The following ZNF467 variants were observed in gnomAD, a reference collection of about 807,000 sequenced individuals.
ZNF467 encodes the protein zinc finger protein EZI.
Under a neutral mutation model 47.8 loss-of-function variants are expected in ZNF467, and 51 were observed. The observed-to-expected ratio is 1.07, with a 90% CI of 0.85 to 1.35. ZNF467 has a LOEUF of 1.35. Among genes scored for constraint, ZNF467 ranks in the 40% most tolerant of loss-of-function variants. The pLI is 0.00. For missense variants in ZNF467, 992 were observed against 858.1 expected (o/e 1.16, Z -1.95); for synonymous variants, 416 against 372.9 (o/e 1.12, Z -1.33).
chr7:149,775,956 GCTGGCCTCT>G (rs1417565700), upstream of ZNF467: 1 of 1,093,180 alleles, frequency 9.1e-7, no homozygotes, highest in Non-Finnish European at 1.3e-6. Context: ...AGAGAGCACC[GCTGGCCTCT>G]CTGCCCTCTC....
intron 1 of ZNF467, 149 bp from the exon 2 acceptor site, chr7:149,771,223 T>C: frequency 1.6e-6 from 1 of 640,604 alleles, no homozygotes; most frequent in Admixed American, 2.9e-5. Flanking sequence ...GGAAACTGGG[T>C]TTAGAAAGCC....
Position 149,766,248 on chromosome 7 carries a change from T to G in ZNF467, c.263-9A>C, listed in dbSNP as rs1799217260. On this transcript the variant is annotated splice_polypyrimidine_tract_variant and intron_variant, in intron 4 of 4. Coordinates refer to ENST00000302017, the MANE Select transcript of ZNF467 (RefSeq NM_207336.3). ...AATCATCCACTCCTCTCCTGGAAAG[T>G]CAAAACAAGAATTGTCTATTGAGCT... is the stretch of plus-strand genomic sequence containing the variant. 1 of 1,513,342 alleles carries G rather than the reference T, an allele frequency of 6.6e-7. No individual in the cohort carries two copies. Among genetic ancestry groups the G allele is most frequent in the African/African-American group, 1.4e-5 (1 of 71,528 alleles). The allele number at this position is 1,513,342 out of a possible 1,614,324, so 93.7% of individuals were successfully genotyped here. A position where few individuals can be genotyped will look rare whatever the true frequency, so the allele number is the denominator to read the frequency against.
Position 149,766,131 on chromosome 7 carries a change from G to C in ZNF467, c.371C>G (p.Ala124Gly), listed in dbSNP as rs1799212147. 2 of 1,604,694 alleles carry C rather than the reference G, an allele frequency of 1.2e-6. No homozygotes were observed. The highest frequency in any genetic ancestry group is 1.7e-6 in the Non-Finnish European group (2 of 1,173,948). Residue 124 changes from alanine to glycine, a missense_variant, in exon 5 of 5, where the codon GCG becomes GGG. Coordinates refer to ENST00000302017, the MANE Select transcript of ZNF467 (RefSeq NM_207336.3). Reference protein sequence around the residue: ...HLSLLPSPFPAPDLGHLAAAY... With the variant: ...HLSLLPSPFPGPDLGHLAAAY... ...GGCAGCCAGATGCCCCAGGTCAGGC[G>C]CGGGAAAGGGGCTGGGAAGTAACGA...
chr7:149,767,406 G>A (rs867766020), intron 4 of ZNF467, among the ~76,000 whole-genome samples: 3 of 152,332 alleles, frequency 2.0e-5, no homozygotes, highest in South Asian at 2.1e-4. Context: ...TCCATCACAC[G>A]TGGACTTCCA....
At position 149,765,415 on chromosome 7, in the gene ZNF467, T is replaced by C; in HGVS notation, c.1087A>G (p.Ser363Gly). Residue 363 changes from serine (S) to glycine (G), a missense_variant, in exon 5 of 5, where the codon AGC becomes GGC. Transcript: ENST00000302017. Reference protein sequence around the residue: ...KPFACSDCGLSFGWKKNLATH... With the variant: ...KPFACSDCGLGFGWKKNLATH... ...GCGAGGTTCTTTTTCCAGCCGAAGC[T>C]CAAGCCGCAGTCGGAGCACGCGAAA... 6.4e-7 allele frequency: 1 copy of C among 1,574,608 alleles called. No homozygotes were observed. Among genetic ancestry groups the C allele is most frequent in the Non-Finnish European group, 8.6e-7 (1 of 1,161,068 alleles).
upstream of ZNF467, chr7:149,776,187 C>T (rs1025315097): frequency 5.4e-6 from 6 of 1,108,114 alleles, no homozygotes; most frequent in African/African-American, 3.2e-5. Flanking sequence ...CCCCCACCCC[C>T]GGGATCCTCC....
rs770388544 is a variant in ZNF467, at chr7:149,765,613, C to T, written c.889G>A (p.Glu297Lys). 2 of 1,604,014 alleles carry T rather than the reference C, an allele frequency of 1.2e-6. No individual in the cohort carries two copies. The highest frequency in any genetic ancestry group is 1.1e-5 in the South Asian group (1 of 89,664). ...CACTGTGCGCACTGGTAGGGCCTCT[C>T]GCCCGTATGGATGCGCTGGTGCCGA... ...LIRHQRIHTG[E>K]RPYQCAQCAR... The change falls in exon 5 of 5, where the codon GAG becomes AAG. Residue 297 changes from glutamate (E) to lysine (K), a missense_variant. Glu to Lys is a moderately conservative substitution (Grantham distance 56). Coordinates refer to ENST00000302017, the MANE Select transcript of ZNF467 (RefSeq NM_207336.3).
intron 2 of ZNF467, 147 bp downstream of exon 2, chr7:149,770,852 C>A (rs1799379466): frequency 9.5e-6 from 9 of 946,412 alleles, no homozygotes; most frequent in African/African-American, 1.6e-5. Context: ...CATTCAGACA[C>A]CCCGTGCTAC....
intron 1 of ZNF467, among the ~76,000 whole-genome samples, chr7:149,771,444 G>A (rs1256238023): frequency 1.3e-5 from 2 of 152,104 alleles, no homozygotes; most frequent in African/African-American, 2.4e-5. Flanking sequence ...GGGAGCCCAG[G>A]GTGGGGAGTG....
At chr7:149,767,857 C>T (rs1799270171) in intron 4 of ZNF467, among the ~76,000 whole-genome samples, 1 of 152,146 alleles carries the variant, frequency 6.6e-6, no homozygotes, top group Non-Finnish European at 1.5e-5. Context: ...CAGCCCAGCA[C>T]CCTATTATTT....
At chr7:149,770,643 G>GCC in intron 2 of ZNF467, 87 bp from the exon 3 acceptor site, 1 of 1,193,258 alleles carries the variant, frequency 8.4e-7, no homozygotes, top group South Asian at 1.4e-5. Flanking sequence ...TTCCCAGCCT[G>GCC]CCCAAGAGAC....
rs181116721 is a variant in ZNF467 at position 149,769,900 on chromosome 7, G to A, written c.151+540C>T. On this transcript the variant is annotated intron_variant, in intron 3 of 4. Coordinates refer to ENST00000302017, the MANE Select transcript of ZNF467 (RefSeq NM_207336.3). This position sits in a 1 kb window ranked among gnomAD's most constrained non-coding sequence, Gnocchi z 5.3. ...TTGCCATGTTGCCTAGGCTGGTCTCGAATGGGGCTCAAGCAATCCTTCCAC... is the reference window on the plus strand; with the variant it reads ...TTGCCATGTTGCCTAGGCTGGTCTCAAATGGGGCTCAAGCAATCCTTCCAC... Among the ~76,000 whole-genome samples, 14 of 152,212 alleles carry A rather than the reference G, an allele frequency of 9.2e-5. No homozygotes were observed. The highest frequency in any genetic ancestry group is 2.2e-4 in the African/African-American group (9 of 41,532).
chr7:149,769,091 TG>T lies in ZNF467; in HGVS notation c.260del (p.Pro87GlnfsTer6). ...GGATGAAGTGATGGGAAGACTCACC[TG>T]GGCAGGTACCCACAGGCTGAGCCTT... ...AQKAQPVGTC[P>X]GEEWMIRKVK... On this transcript the variant is annotated frameshift_variant and splice_region_variant, in exon 4 of 5. Coordinates refer to ENST00000302017, the MANE Select transcript of ZNF467 (RefSeq NM_207336.3). LOFTEE classifies it high-confidence loss of function. The surrounding 1 kb of genome is among the most constrained non-coding windows in gnomAD (Gnocchi z 5.3). 1 of 1,546,828 alleles carries T rather than the reference TG, an allele frequency of 6.5e-7. No individual in the cohort carries two copies. The highest frequency in any genetic ancestry group is 8.7e-7 in the Non-Finnish European group (1 of 1,145,206).
chr7:149,766,699 T>C (rs1452997380), intron 4 of ZNF467, among the ~76,000 whole-genome samples: 1 of 152,172 alleles, frequency 6.6e-6, no homozygotes, highest in Admixed American at 6.5e-5. Flanking sequence ...CTTCCCAAAC[T>C]GAGCCCTGGC....
At chr7:149,772,676 C>T (rs1432790494) in intron 1 of ZNF467, among the ~76,000 whole-genome samples, 2 of 150,374 alleles carry the variant, frequency 1.3e-5, no homozygotes, top group Non-Finnish European at 3.0e-5. Context: ...TTCCAGGTCC[C>T]GGCCCCCTCC....
chr7:149,766,528 C>T (rs1028545771), intron 4 of ZNF467, among the ~76,000 whole-genome samples: 5 of 152,216 alleles, frequency 3.3e-5, no homozygotes, highest in African/African-American at 7.2e-5. Flanking sequence ...AGTTTCAGTC[C>T]TCCTGCTTCG....
rs1799362228 is a variant in ZNF467 at position 149,770,424 on chromosome 7, G to T, written c.151+16C>A. 9.4e-6 allele frequency: 15 copies of T among 1,592,670 alleles called. No individual in the cohort carries two copies. Among genetic ancestry groups the T allele is most frequent in the Admixed American group, 3.4e-5 (2 of 58,454 alleles). ...GGGACTCCTCCCTGAGCCTTTCCAG[G>T]GTTCCTGTTACCTACCTGAGCACAC... On this transcript the variant is annotated intron_variant, in intron 3 of 4. Transcript: ENST00000302017.
Position 149,766,001 on chromosome 7 carries a change from CCG to C in ZNF467, c.499_500del (p.Arg167AlafsTer221). 6.4e-7 allele frequency: 1 copy of C among 1,562,316 alleles called. No homozygotes were observed. The highest frequency in any genetic ancestry group is 8.7e-7 in the Non-Finnish European group (1 of 1,153,860). ...EKPYGCGECE[R>X]RFRDQLTLRL... The stretch of plus-strand genomic sequence containing the variant: ...GCAACGTCAGCTGGTCCCGGAAGCG[CCG>C]CTCACACTCCCCGCAGCCGTAGGGC... On this transcript the variant is annotated frameshift_variant, in exon 5 of 5. Coordinates refer to ENST00000302017, the MANE Select transcript of ZNF467 (RefSeq NM_207336.3). LOFTEE classifies it high-confidence loss of function.
chr7:149,765,162 G>GC lies in ZNF467; in HGVS notation c.1339dup (p.Ala447GlyfsTer19). 3 of 1,496,920 alleles carry GC rather than the reference G, an allele frequency of 2.0e-6. No homozygotes were observed. The highest frequency in any genetic ancestry group is 2.7e-6 in the Non-Finnish European group (3 of 1,127,628). The allele number at this position is 1,496,920 out of a possible 1,614,324, so 92.7% of individuals were successfully genotyped here. ...GCCCGTGTGCACGCGCGGGTGCCGC[G>GC]CCAGGTGCTGCCCATGGGAGAAGCC... On this transcript the variant is annotated frameshift_variant, in exon 5 of 5. Coordinates refer to ENST00000302017, the MANE Select transcript of ZNF467 (RefSeq NM_207336.3). LOFTEE classifies it high-confidence loss of function.
Sources: gnomAD v4.1 joint callset for allele counts (sites outside exome capture counted in the v4.1 genomes callset) on GRCh38, gnomAD v4.1.1 for gene constraint, Gnocchi (gnomAD v3.1) non-coding constraint, MANE v1.5 for transcripts, NCBI Gene and HGNC (gene_info 2026-07-23, HGNC 2026-07-21) for gene names.